AOPEP: variants seen among roughly 807,000 people sequenced by gnomAD.
AOPEP encodes aminopeptidase O.
AOPEP carries 77 observed loss-of-function variants against 98.1 expected under a neutral mutation model. That is an observed-to-expected ratio of 0.78 (90% confidence interval 0.65 to 0.95). The LOEUF (loss-of-function observed/expected upper bound fraction) is 0.95. Ranked by LOEUF, AOPEP falls within the 40% of genes least tolerant of loss-of-function variation. The pLI, the probability that AOPEP is intolerant of heterozygous loss-of-function variation, is 0.00. For synonymous variants in AOPEP, 346 were observed against 365.3 expected, an observed-to-expected ratio of 0.95 and a Z score of 0.60; for missense variants, 1,024 against 1,024.7, an observed-to-expected ratio of 1.00 and a Z score of 0.01.
chr9:95,111,466 A>C, the AOPEP span: 1 of 1,612,724 alleles, frequency 6.2e-7, no homozygotes. Flanking sequence ...TACCCACCAT[A>C]GTCTGTGCTC....
intron 1 of AOPEP, among the ~76,000 whole-genome samples, chr9:94,740,601 A>G (rs1375029505): frequency 6.6e-6 from 1 of 152,186 alleles, no homozygotes; most frequent in Non-Finnish European, 1.5e-5. Context: ...TTTACTGTCT[A>G]GCTTAGTAAA....
At chr9:94,925,322 C>T (rs771710483) in intron 6 of AOPEP, among the ~76,000 whole-genome samples, 1 of 152,198 alleles carries the variant, frequency 6.6e-6, no homozygotes, top group Admixed American at 6.5e-5. Context: ...CTTTTTTCCC[C>T]CTGTCATCTC....
chr9:95,085,641 G>A (rs1159851729), intron 16 of AOPEP: 1 of 369,698 alleles, frequency 2.7e-6, no homozygotes, highest in South Asian at 2.0e-5. Context: ...CGATCCTGGA[G>A]GATGAGAGAC....
Position 94,980,749 on chromosome 9 carries a change from C to T in AOPEP, c.1977+1322C>T, listed in dbSNP as rs955478888. The stretch of plus-strand genomic sequence containing the variant: ...CAAGGCAGTGCGTGGTTGGGGGCAG[C>T]GCCTTTCACTCACGTGTGTGACAAT... On this transcript the variant is annotated intron_variant, in intron 11 of 16. Transcript: ENST00000375315. This position sits in a 1 kb window ranked among gnomAD's most constrained non-coding sequence, Gnocchi z 4.3. Among the ~76,000 whole-genome samples the T allele has an allele frequency of 1.3e-5, 2 of 152,206 alleles. No individual in the cohort carries two copies. The highest frequency in any genetic ancestry group is 1.9e-4 in the East Asian group (1 of 5,200).
At chr9:94,798,600 T>A (rs1847548391) in intron 4 of AOPEP, among the ~76,000 whole-genome samples, 1 of 152,190 alleles carries the variant, frequency 6.6e-6, no homozygotes, top group African/African-American at 2.4e-5. Context: ...TGCAAAATTG[T>A]GCTGTGGTAG....
At chr9:94,868,312 T>C (rs2045936328) in intron 5 of AOPEP, among the ~76,000 whole-genome samples, 1 of 152,202 alleles carries the variant, frequency 6.6e-6, no homozygotes, top group Non-Finnish European at 1.5e-5. Context: ...AAGGCAGTTG[T>C]CTGGGAGTAA....
chr9:95,135,549 A>G, the AOPEP span: 16 of 1,565,474 alleles, frequency 1.0e-5, no homozygotes, highest in Non-Finnish European at 1.4e-5. Context: ...TGGCTCACTG[A>G]AAAAAGAAGA....
At chr9:95,119,151 G>A in the AOPEP span, among the ~76,000 whole-genome samples, 1 of 152,144 alleles carries the variant, frequency 6.6e-6, no homozygotes, top group Non-Finnish European at 1.5e-5. Context: ...GATGGCAAAT[G>A]ACGCTGAACA....
chr9:95,057,809 A>G (rs1324393792), intron 13 of AOPEP, among the ~76,000 whole-genome samples: 4 of 152,152 alleles, frequency 2.6e-5, no homozygotes, highest in South Asian at 4.1e-4. Context: ...ACCAAGTGAG[A>G]GTCATTTCAA....
At chr9:94,892,043 A>T (rs1421604792) in intron 5 of AOPEP, among the ~76,000 whole-genome samples, 2 of 152,158 alleles carry the variant, frequency 1.3e-5, no homozygotes, top group Non-Finnish European at 2.9e-5. Flanking sequence ...AGATGGGACA[A>T]CCACTGTCTT....
At chr9:95,044,369 C>T (rs374337605) in intron 13 of AOPEP, among the ~76,000 whole-genome samples, 46 of 149,182 alleles carry the variant, frequency 3.1e-4, no homozygotes, top group South Asian at 1.5e-3. Flanking sequence ...AAACTGGCTC[C>T]GCTGGATGCA....
the AOPEP span, among the ~76,000 whole-genome samples, chr9:95,122,090 C>A: frequency 2.6e-5 from 4 of 151,990 alleles, no homozygotes; most frequent in Non-Finnish European, 5.9e-5. Context: ...GATCTCCTGA[C>A]CTTGTGATCT....
intron 4 of AOPEP, among the ~76,000 whole-genome samples, chr9:94,793,600 C>T (rs1414728032): frequency 6.6e-6 from 1 of 151,728 alleles, no homozygotes; most frequent in Non-Finnish European, 1.5e-5. Flanking sequence ...TTGCTTGAAC[C>T]TGGGAGGTAG....
intron 13 of AOPEP, among the ~76,000 whole-genome samples, chr9:95,043,814 G>A (rs1002832297): frequency 2.6e-5 from 4 of 152,150 alleles, no homozygotes; most frequent in African/African-American, 9.7e-5. Flanking sequence ...ACAGGCGCAT[G>A]CCACCATGCC....
intron 13 of AOPEP, among the ~76,000 whole-genome samples, chr9:95,044,270 C>A (rs2065626597): frequency 1.3e-5 from 2 of 151,802 alleles, no homozygotes; most frequent in Non-Finnish European, 2.9e-5. Context: ...TCTATTTTAA[C>A]ATATTTTCAT....
Position 94,808,102 on chromosome 9 carries a change from G to A in AOPEP, c.1364+7100G>A, listed in dbSNP as rs1230314050. The stretch of plus-strand genomic sequence containing the variant: ...CTGTTGCCCAGGCTGGAGTGCAGTG[G>A]TGCAATCTTGGCTCACTGCCACCTA... On this transcript the variant is annotated intron_variant, in intron 5 of 16. Transcript: ENST00000375315. Among the ~76,000 whole-genome samples, 2 of 151,134 alleles carry A rather than the reference G, an allele frequency of 1.3e-5. 1 individual carries two copies.
chr9:95,149,437 T>C, the AOPEP span, among the ~76,000 whole-genome samples: 2 of 151,024 alleles, frequency 1.3e-5, no homozygotes, highest in Non-Finnish European at 3.0e-5. Flanking sequence ...AAACCTAAAA[T>C]AAAAGTTAAA....
intron 11 of AOPEP, among the ~76,000 whole-genome samples, chr9:94,990,277 A>G (rs925327937): frequency 6.6e-6 from 1 of 151,980 alleles, no homozygotes; most frequent in Non-Finnish European, 1.5e-5. Context: ...GGTGAGCCAT[A>G]TTTGGACACA....
intron 5 of AOPEP, among the ~76,000 whole-genome samples, chr9:94,896,431 C>T (rs2049571557): frequency 6.6e-6 from 1 of 152,164 alleles, no homozygotes. Flanking sequence ...ATAGTGACTT[C>T]CTTCCAAAGG....
Sources: gnomAD v4.1 joint callset for allele counts (sites outside exome capture counted in the v4.1 genomes callset) on GRCh38, gnomAD v4.1.1 for gene constraint, Gnocchi (gnomAD v3.1) non-coding constraint, MANE v1.5 for transcripts, NCBI Gene and HGNC (gene_info 2026-07-23, HGNC 2026-07-21) for gene names.